Variants in EIPR1 observed in about 807,000 individuals in gnomAD.
EIPR1 encodes EARP complex and GARP complex interacting protein 1.
EIPR1 carries 25 observed loss-of-function variants against 48.1 expected under a neutral mutation model. The observed-to-expected ratio is 0.52, with a 90% CI of 0.38 to 0.73. The LOEUF is 0.73. Ranked by LOEUF, EIPR1 falls within the 30% of genes least tolerant of loss-of-function variation. The pLI, the probability that EIPR1 is intolerant of heterozygous loss-of-function variation, is 0.00. For synonymous variants in EIPR1, 204 were observed against 201.9 expected (o/e 1.01, Z -0.09); for missense variants, 415 against 506.2 (o/e 0.82, Z 1.73).
intron 4 of EIPR1, among the ~76,000 whole-genome samples, chr2:3,215,237 C>A (rs780355000): frequency 9.9e-5 from 15 of 152,148 alleles, no homozygotes; most frequent in Non-Finnish European, 2.1e-4. Flanking sequence ...GGTGGAGAGT[C>A]TTATGGAGGC....
chr2:3,359,049 G>C (rs1670796569), intron 1 of EIPR1, among the ~76,000 whole-genome samples: 1 of 152,176 alleles, frequency 6.6e-6, no homozygotes. Context: ...TCTGCCCTCA[G>C]GAAACTTGGA....
rs75717752 is a variant in EIPR1 at position 3,286,105 on chromosome 2, G to C, written c.260-28650C>G. Among the ~76,000 whole-genome samples, 50 of 152,254 alleles carry C rather than the reference G, an allele frequency of 3.3e-4. 1 individual carries two copies. In the East Asian group the frequency reaches 9.5e-3, roughly 29 times the overall value. ...CACTGGGAGTGAACAAACCTTCCCA[G>C]GACTCCAGCTTTTTCCAGCCAAGCC... is the stretch of plus-strand genomic sequence containing the variant. On this transcript the variant is annotated intron_variant, in intron 3 of 8. Coordinates refer to ENST00000382125, the MANE Select transcript of EIPR1 (RefSeq NM_003310.5). This position sits in a 1 kb window ranked among gnomAD's most constrained non-coding sequence, Gnocchi z 4.2.
intron 4 of EIPR1, among the ~76,000 whole-genome samples, chr2:3,218,616 G>C (rs926562685): frequency 4.7e-5 from 7 of 148,730 alleles, no homozygotes; most frequent in African/African-American, 1.8e-4. Flanking sequence ...ATACACTCTA[G>C]AGCTTTCACA....
chr2:3,354,635 T>A lies in EIPR1; in HGVS notation c.43-2A>T, dbSNP rs1224193176. 2.5e-6 allele frequency: 4 copies of A among 1,613,970 alleles called. No individual in the cohort carries two copies. Among genetic ancestry groups the A allele is most frequent in the Non-Finnish European group, 3.4e-6 (4 of 1,179,922 alleles). On this transcript the variant is annotated splice_acceptor_variant, in intron 1 of 8. Coordinates refer to ENST00000382125, the MANE Select transcript of EIPR1 (RefSeq NM_003310.5). LOFTEE classifies it high-confidence loss of function. ...AGTTTGAGGTGTTAAGGCACGTGCC[T>A]GCAGGAGGGAAGAAAAACACATGCA... is the stretch of plus-strand genomic sequence containing the variant.
intron 1 of EIPR1, among the ~76,000 whole-genome samples, chr2:3,368,529 A>G (rs1315832907): frequency 6.6e-6 from 1 of 152,226 alleles, no homozygotes; most frequent in Non-Finnish European, 1.5e-5. Context: ...ACACATGGGC[A>G]GAGCCACCAC....
rs186592447 is a variant in EIPR1 at position 3,369,603 on chromosome 2, G to A, written c.42+8045C>T. Among the ~76,000 whole-genome samples, 9 of 152,356 alleles carry A rather than the reference G, an allele frequency of 5.9e-5. No individual in the cohort carries two copies. In the East Asian group the frequency reaches 1.7e-3, roughly 29 times the overall value. ...ATTATATCCCACACCTGGCTCGGAG[G>A]GTCCTATGCCCACGGAGTCTCGCTG... On this transcript the variant is annotated intron_variant, in intron 1 of 8. Coordinates refer to ENST00000382125, the MANE Select transcript of EIPR1 (RefSeq NM_003310.5).
At chr2:3,314,692 T>A (rs1372355205) in intron 3 of EIPR1, among the ~76,000 whole-genome samples, 1 of 151,906 alleles carries the variant, frequency 6.6e-6, no homozygotes, top group Non-Finnish European at 1.5e-5. Context: ...AGGACACACC[T>A]GATCCTGGGA....
intron 2 of EIPR1, among the ~76,000 whole-genome samples, chr2:3,338,722 C>T (rs999909623): frequency 9.2e-5 from 14 of 152,144 alleles, no homozygotes; most frequent in African/African-American, 3.4e-4. Context: ...GTCCAACAGC[C>T]GTTGGTGTCT....
intron 3 of EIPR1, among the ~76,000 whole-genome samples, chr2:3,295,934 TTGC>T (rs1668565932): frequency 2.6e-4 from 6 of 23,090 alleles, no homozygotes; most frequent in South Asian, 1.8e-3. Flanking sequence ...CATCCTCTCC[TTGC>T]ACACACACAC....
Position 3,371,940 on chromosome 2 carries a change from C to G in EIPR1, c.42+5708G>C, listed in dbSNP as rs557661438. ...TCAACAGAATATACATTTTTTTCAG[C>G]ACCACGCCACACCTATTCCAAAATT... On this transcript the variant is annotated intron_variant, in intron 1 of 8. Transcript: ENST00000382125. Among the ~76,000 whole-genome samples, 1,145 of 152,278 alleles carry G rather than the reference C, an allele frequency of 7.5e-3. 26 individuals carry two copies. The highest frequency in any genetic ancestry group is 0.027 in the African/African-American group (1,102 of 41,542).
chr2:3,201,586 A>T (rs1478011879), intron 5 of EIPR1, among the ~76,000 whole-genome samples: 2 of 152,202 alleles, frequency 1.3e-5, no homozygotes, highest in African/African-American at 4.8e-5. Context: ...AGCAAGCTCC[A>T]AGGAACCATA....
intron 3 of EIPR1, among the ~76,000 whole-genome samples, chr2:3,287,439 C>T (rs191531169): frequency 8.6e-4 from 126 of 146,960 alleles, no homozygotes; most frequent in South Asian, 2.0e-3. Context: ...CGTTCACAAT[C>T]CAGAAAGCGC....
chr2:3,212,871 T>C (rs1468493027), intron 5 of EIPR1, among the ~76,000 whole-genome samples: 1 of 152,222 alleles, frequency 6.6e-6, no homozygotes, highest in African/African-American at 2.4e-5. Context: ...CCATTGATGC[T>C]CTGGGTGAAC....
At chr2:3,373,089 T>TA (rs1191149135) in intron 1 of EIPR1, among the ~76,000 whole-genome samples, 1 of 152,110 alleles carries the variant, frequency 6.6e-6, no homozygotes, top group Non-Finnish European at 1.5e-5. Context: ...CGCAAATCAA[T>TA]AAATGTAATC....
At chr2:3,285,627 G>C (rs1572396610) in intron 3 of EIPR1, among the ~76,000 whole-genome samples, 1 of 152,354 alleles carries the variant, frequency 6.6e-6, no homozygotes, top group Non-Finnish European at 1.5e-5. Context: ...TGCTGCGCAA[G>C]AGTTACTAAC....
At chr2:3,253,503 C>T (rs571115374) in intron 4 of EIPR1, among the ~76,000 whole-genome samples, 32 of 152,296 alleles carry the variant, frequency 2.1e-4, no homozygotes, top group African/African-American at 7.0e-4. Context: ...AGCTGAGCAA[C>T]GTCATCGCCG....
intron 4 of EIPR1, among the ~76,000 whole-genome samples, chr2:3,234,113 C>A (rs569098628): frequency 6.6e-6 from 1 of 152,070 alleles, no homozygotes; most frequent in South Asian, 2.1e-4. Flanking sequence ...AGAGTGAGGG[C>A]GTGGTGTGGA....
At chr2:3,228,417 A>G (rs1321649700) in intron 4 of EIPR1, among the ~76,000 whole-genome samples, 1 of 152,232 alleles carries the variant, frequency 6.6e-6, no homozygotes, top group Non-Finnish European at 1.5e-5. Context: ...CCACCATTAT[A>G]TCTAGGAAGT....
At chr2:3,223,108 A>G (rs1665950484) in intron 4 of EIPR1, among the ~76,000 whole-genome samples, 1 of 152,202 alleles carries the variant, frequency 6.6e-6, no homozygotes, top group African/African-American at 2.4e-5. Context: ...CTGAAGCTGG[A>G]AGGGCACATA....
Sources: allele counts gnomAD v4.1 joint callset (sites outside exome capture counted in the v4.1 genomes callset), GRCh38; gene constraint gnomAD v4.1.1; non-coding constraint Gnocchi (gnomAD v3.1); transcripts MANE v1.5; gene names NCBI Gene and HGNC (gene_info 2026-07-23, HGNC 2026-07-21).